SFXN5: variants seen among roughly 807,000 people sequenced by gnomAD.
The protein encoded by SFXN5 is sideroflexin 5.
A neutral mutation model predicts 50.2 loss-of-function variants in SFXN5; 43 were observed. That is an observed-to-expected ratio of 0.86 (90% CI 0.67 to 1.11). The LOEUF (loss-of-function observed/expected upper bound fraction) is 1.11, where lower values mean the gene tolerates loss of function less well. Among genes scored for constraint, SFXN5 ranks in the 50% least tolerant of loss-of-function variants. The pLI, the probability that SFXN5 is intolerant of heterozygous loss-of-function variation, is 0.00. For missense variants in SFXN5, 463 were observed against 454.1 expected, an observed-to-expected ratio of 1.02 and a Z score of -0.18; for synonymous variants, 203 against 185.8, an observed-to-expected ratio of 1.09 and a Z score of -0.75.
chr2:72,981,996 T>TGTGTGTGTGC (rs1491565927), intron 10 of SFXN5, among the ~76,000 whole-genome samples: 5 of 142,998 alleles, frequency 3.5e-5, no homozygotes, highest in African/African-American at 1.3e-4. Flanking sequence ...TGTGTGTGTG[T>TGTGTGTGTGC]GCGTGCCATT....
rs1362692466 is a variant in SFXN5, at chr2:72,960,423, C to A, written c.945+708G>T. Among the ~76,000 whole-genome samples the A allele has an allele frequency of 6.6e-6, 1 of 152,116 alleles. No individual in the cohort carries two copies. The highest frequency in any genetic ancestry group is 1.5e-5 in the Non-Finnish European group (1 of 68,026). ...CGCCTCCTGACTCCCTCTTTAGGGA[C>A]CCACTTCTCTCCATGCCCACTGCCA... On this transcript the variant is annotated intron_variant, in intron 13 of 13. Coordinates refer to ENST00000272433, the MANE Select transcript of SFXN5 (RefSeq NM_144579.3). The surrounding 1 kb of genome is among the most constrained non-coding windows in gnomAD (Gnocchi z 6.1).
At chr2:73,030,429 C>T (rs929276261) in intron 3 of SFXN5, among the ~76,000 whole-genome samples, 3 of 152,086 alleles carry the variant, frequency 2.0e-5, no homozygotes, top group African/African-American at 7.2e-5. Context: ...CCAGGCTGGT[C>T]ATGAACTCCT....
At position 72,961,108 on chromosome 2, in the gene SFXN5, C is replaced by T; in HGVS notation, c.945+23G>A. 1 of 1,498,754 alleles carries T rather than the reference C, an allele frequency of 6.7e-7. No homozygotes were observed. The highest frequency in any genetic ancestry group is 1.5e-5 in the African/African-American group (1 of 64,666). 92.8% of individuals were successfully genotyped at this position (1,498,754 alleles called of 1,614,324 possible). The stretch of plus-strand genomic sequence containing the variant: ...AAACAGCACCCCCTGCCCTGCCCTG[C>T]CCTTGAGCCCCTCCCCACTGACCTC... On this transcript the variant is annotated intron_variant, in intron 13 of 13. Coordinates refer to ENST00000272433, the MANE Select transcript of SFXN5 (RefSeq NM_144579.3). The surrounding 1 kb of genome is among the most constrained non-coding windows in gnomAD (Gnocchi z 4.4).
At chr2:72,989,514 C>T (rs11887106) in intron 9 of SFXN5, among the ~76,000 whole-genome samples, 3,622 of 152,052 alleles carry the variant, frequency 0.024, 152 homozygotes, top group African/African-American at 0.082. Flanking sequence ...GTCACGGGAC[C>T]GGATGGGGTG....
intron 13 of SFXN5, among the ~76,000 whole-genome samples, chr2:72,956,123 GC>G (rs1014684282): frequency 1.6e-4 from 24 of 152,206 alleles, no homozygotes; most frequent in East Asian, 7.7e-4. Context: ...GGTGTGATGG[GC>G]CCATCCATGT....
At chr2:73,061,043 T>A (rs898570181) in intron 1 of SFXN5, among the ~76,000 whole-genome samples, 2 of 145,022 alleles carry the variant, frequency 1.4e-5, no homozygotes, top group Non-Finnish European at 3.0e-5. Context: ...GGACCGGGCG[T>A]GGTGGCTCAT....
chr2:73,006,989 C>T (rs957313719), intron 6 of SFXN5, among the ~76,000 whole-genome samples: 1 of 152,344 alleles, frequency 6.6e-6, no homozygotes, highest in East Asian at 1.9e-4. Flanking sequence ...CAAGAAAAAT[C>T]ACATCTTCAC....
At chr2:73,058,735 G>C (rs1231405387) in intron 1 of SFXN5, 139 bp from the exon 2 acceptor site, 4 of 739,154 alleles carry the variant, frequency 5.4e-6, no homozygotes, top group Non-Finnish European at 6.7e-6. Flanking sequence ...TGCCAATGAG[G>C]CCTCAGAAAT....
intron 1 of SFXN5, among the ~76,000 whole-genome samples, chr2:73,060,036 T>C (rs924725749): frequency 6.6e-6 from 1 of 152,188 alleles, no homozygotes; most frequent in African/African-American, 2.4e-5. Context: ...GAAATGCATA[T>C]AAGCAGTGTG....
intron 13 of SFXN5, among the ~76,000 whole-genome samples, chr2:72,958,565 A>C (rs1336213305): frequency 6.6e-6 from 1 of 152,174 alleles, no homozygotes; most frequent in Admixed American, 6.5e-5. Flanking sequence ...TACTAGAAGC[A>C]CAGAGGTACC....
At chr2:73,059,256 C>T (rs1050573399) in intron 1 of SFXN5, 4 of 985,658 alleles carry the variant, frequency 4.1e-6, no homozygotes, top group Non-Finnish European at 4.8e-6. Flanking sequence ...CCAAGCAACC[C>T]GGCTGCTGGG....
rs1340364539 is a variant in SFXN5, at chr2:72,956,496, G to GGCCTCCTCTTTCTATA, written c.945+4619_945+4634dup. Among the ~76,000 whole-genome samples the GGCCTCCTCTTTCTATA allele has an allele frequency of 5.9e-5, 9 of 152,284 alleles. No individual in the cohort carries two copies. The East Asian group carries it at 1.7e-3, about 29-fold the overall frequency. On this transcript the variant is annotated intron_variant, in intron 13 of 13. Transcript: ENST00000272433. ...GCAAGCAATTTGGAGCCCAGAAGTG[G>GGCCTCCTCTTTCTATA]GCCTCCTCTTTCTATAGTGAGGTGT...
intron 3 of SFXN5, among the ~76,000 whole-genome samples, chr2:73,031,553 G>A (rs13414995): frequency 2.0e-5 from 3 of 152,206 alleles, no homozygotes; most frequent in Admixed American, 1.3e-4. Flanking sequence ...CCCATTTGGG[G>A]TTATTGGAAA....
At chr2:73,038,485 T>A (rs763596993) in intron 3 of SFXN5, among the ~76,000 whole-genome samples, 57 of 151,556 alleles carry the variant, frequency 3.8e-4, no homozygotes, top group South Asian at 4.2e-4. Flanking sequence ...AAATTTATTT[T>A]AAAAAAAAAT....
chr2:73,069,947 G>T lies in SFXN5; in HGVS notation c.102+1657C>A, dbSNP rs959435575. On this transcript the variant is annotated intron_variant, in intron 1 of 13. Transcript: ENST00000272433. ...AGCCCCTTCTTGCAAAAGGCCTACA[G>T]GGGGTTTGAGGAAACCAAGTCGTCA... 2.6e-5 allele frequency among the ~76,000 whole-genome samples: 4 copies of T among 152,194 alleles called. No individual in the cohort carries two copies. The East Asian group carries it at 7.7e-4, about 29-fold the overall frequency.
intron 1 of SFXN5, among the ~76,000 whole-genome samples, chr2:73,068,870 G>A (rs774578373): frequency 6.6e-6 from 1 of 151,890 alleles, no homozygotes; most frequent in Non-Finnish European, 1.5e-5. Context: ...CCAAGAAAGT[G>A]ATGCTTCATG....
At chr2:72,968,398 TCCCCCTCCTCC>T (rs1230289958) in intron 12 of SFXN5, 39 bp downstream of exon 12, 1 of 1,318,912 alleles carries the variant, frequency 7.6e-7, no homozygotes, top group Non-Finnish European at 1.1e-6. Context: ...CCCCTCCCTC[TCCCCCTCCTCC>T]CCCATGGTGG....
At chr2:72,989,930 G>C (rs1197944506) in intron 9 of SFXN5, among the ~76,000 whole-genome samples, 1 of 152,228 alleles carries the variant, frequency 6.6e-6, no homozygotes, top group East Asian at 1.9e-4. Flanking sequence ...CTGAGGTCTG[G>C]CACGCCTGGC....
intron 12 of SFXN5, among the ~76,000 whole-genome samples, chr2:72,967,482 G>A (rs1210317605): frequency 2.0e-5 from 3 of 152,160 alleles, no homozygotes; most frequent in Admixed American, 6.5e-5. Flanking sequence ...GTGGCATTCG[G>A]GCAGAGGCCT....
Sources: allele counts gnomAD v4.1 joint callset (sites outside exome capture counted in the v4.1 genomes callset), GRCh38; gene constraint gnomAD v4.1.1; non-coding constraint Gnocchi (gnomAD v3.1); transcripts MANE v1.5; gene names NCBI Gene and HGNC (gene_info 2026-07-23, HGNC 2026-07-21).